AFG2A: variants seen among roughly 807,000 people sequenced by gnomAD.
AFG2A encodes the protein ATPase family gene 2 protein homolog A.
At chr4:123,171,734 T>C in the AFG2A span, among the ~76,000 whole-genome samples, 3,275 of 152,274 alleles carry the variant, frequency 0.022, 110 homozygotes, top group African/African-American at 0.074. Context: ...TTAAATTGAA[T>C]TTAAAAATAG....
chr4:123,266,649 C>T, the AFG2A span, among the ~76,000 whole-genome samples: 5 of 151,404 alleles, frequency 3.3e-5, no homozygotes, highest in African/African-American at 7.2e-5. Flanking sequence ...TTTATTTTTT[C>T]CTTGTTAAAG....
At chr4:122,996,622 T>TAGATAGATAGATAGGA in the AFG2A span, among the ~76,000 whole-genome samples, 1 of 149,508 alleles carries the variant, frequency 6.7e-6, no homozygotes, top group Non-Finnish European at 1.5e-5. Flanking sequence ...GATAGATAGA[T>TAGATAGATAGATAGGA]AGGAGAGGAG....
At chr4:123,226,017 G>A in the AFG2A span, among the ~76,000 whole-genome samples, 1 of 152,134 alleles carries the variant, frequency 6.6e-6, no homozygotes, top group African/African-American at 2.4e-5. Context: ...CTGTTTGTCT[G>A]TTATTGGTGT....
the AFG2A span, among the ~76,000 whole-genome samples, chr4:123,278,038 G>A: frequency 0.73 from 110,667 of 152,032 alleles, 41,351 homozygotes; most frequent in Non-Finnish European, 0.81. Flanking sequence ...GAATAGTTTC[G>A]GTAGGAATGG....
chr4:123,209,586 A>ATTTTTTTTTTTTTTTTTTTTTTTTTT, the AFG2A span, among the ~76,000 whole-genome samples: 1 of 116,296 alleles, frequency 8.6e-6, no homozygotes, highest in Non-Finnish European at 1.7e-5. Context: ...TGCATCAAGA[A>ATTTTTTTTTTTTTTTTTTTTTTTTTT]TTTTTTTTTT....
the AFG2A span, among the ~76,000 whole-genome samples, chr4:123,224,297 G>T: frequency 6.6e-6 from 1 of 152,032 alleles, no homozygotes; most frequent in Middle Eastern, 3.4e-3. Flanking sequence ...TGCCATGTTG[G>T]TGTGCTGCAC....
the AFG2A span, among the ~76,000 whole-genome samples, chr4:123,067,386 G>A: frequency 7.2e-5 from 11 of 151,840 alleles, no homozygotes; most frequent in African/African-American, 1.5e-4. Flanking sequence ...GCATGGTGGC[G>A]CACACCTGTA....
the AFG2A span, among the ~76,000 whole-genome samples, chr4:123,159,713 C>A: frequency 2.0e-5 from 3 of 152,008 alleles, no homozygotes; most frequent in Admixed American, 2.0e-4. Context: ...CCGGGAGGTG[C>A]AGGAAGTGAG....
chr4:122,956,517 CAG>C, the AFG2A span, among the ~76,000 whole-genome samples: 1 of 3,658 alleles, frequency 2.7e-4, no homozygotes. Context: ...AGGAGAGCAT[CAG>C]TTGATAAAGT....
At chr4:123,062,997 G>A in the AFG2A span, among the ~76,000 whole-genome samples, 1 of 152,168 alleles carries the variant, frequency 6.6e-6, no homozygotes, top group Non-Finnish European at 1.5e-5. Context: ...TGAATCTTAT[G>A]TAGTTTGTTT....
At chr4:123,287,769 A>G in the AFG2A span, among the ~76,000 whole-genome samples, 1 of 152,168 alleles carries the variant, frequency 6.6e-6, no homozygotes, top group Non-Finnish European at 1.5e-5. Flanking sequence ...AATAAGAGAG[A>G]AGGAGCAAAA....
chr4:123,081,211 C>T, the AFG2A span, among the ~76,000 whole-genome samples: 4 of 152,182 alleles, frequency 2.6e-5, no homozygotes, highest in Non-Finnish European at 4.4e-5. Context: ...ATGATACTGT[C>T]GTACAGAATA....
the AFG2A span, among the ~76,000 whole-genome samples, chr4:122,965,183 G>A: frequency 1.3e-5 from 2 of 152,132 alleles, no homozygotes; most frequent in African/African-American, 4.8e-5. Flanking sequence ...TTCTAAAAGG[G>A]ATTGTTAACT....
the AFG2A span, among the ~76,000 whole-genome samples, chr4:123,069,223 TC>T: frequency 6.6e-6 from 1 of 152,172 alleles, no homozygotes; most frequent in Admixed American, 6.5e-5. Context: ...ACTGCTGCCA[TC>T]CATGATATAT....
chr4:123,273,218 T>G, the AFG2A span, among the ~76,000 whole-genome samples: 10 of 152,166 alleles, frequency 6.6e-5, no homozygotes, highest in Admixed American at 6.6e-4. Context: ...GCATATATAA[T>G]GAGCTACGTT....
At chr4:123,105,292 C>T in the AFG2A span, among the ~76,000 whole-genome samples, 2 of 152,104 alleles carry the variant, frequency 1.3e-5, no homozygotes. Flanking sequence ...ATTTGAAGCT[C>T]ACTGTCGATA....
the AFG2A span, among the ~76,000 whole-genome samples, chr4:123,188,776 T>C: frequency 6.6e-6 from 1 of 152,250 alleles, no homozygotes; most frequent in Non-Finnish European, 1.5e-5. Flanking sequence ...GATAGAATCA[T>C]GAAGGCATCA....
the AFG2A span, among the ~76,000 whole-genome samples, chr4:123,209,186 A>G: frequency 6.6e-6 from 1 of 152,194 alleles, no homozygotes; most frequent in Non-Finnish European, 1.5e-5. Flanking sequence ...CTCATCAGTC[A>G]GAAACATAGG....
the AFG2A span, among the ~76,000 whole-genome samples, chr4:123,063,446 A>C: frequency 6.6e-6 from 1 of 152,184 alleles, no homozygotes; most frequent in Non-Finnish European, 1.5e-5. Flanking sequence ...GTGACAATGC[A>C]TAAAGAAGAA....
Sources: allele counts gnomAD v4.1 joint callset (sites outside exome capture counted in the v4.1 genomes callset), GRCh38; gene constraint gnomAD v4.1.1; transcripts MANE v1.5; gene names NCBI Gene and HGNC (gene_info 2026-07-23, HGNC 2026-07-21).